Variants in CPD observed in about 807,000 individuals in gnomAD.
The protein encoded by CPD is metallocarboxypeptidase D.
CPD carries 69 observed loss-of-function variants against 138.3 expected under a neutral mutation model. The observed-to-expected ratio is 0.50, with a 90% CI of 0.41 to 0.61. The LOEUF (loss-of-function observed/expected upper bound fraction) is 0.61. Ranked by LOEUF, CPD falls within the 20% of genes least tolerant of loss-of-function variation. CPD has a pLI of 0.00. For synonymous variants in CPD, 651 were observed against 642.1 expected, an observed-to-expected ratio of 1.01 and a Z score of -0.21; for missense variants, 1,432 against 1,733.3, an observed-to-expected ratio of 0.83 and a Z score of 3.09.
At chr17:30,400,376 T>G (rs2143347649) in intron 2 of CPD, among the ~76,000 whole-genome samples, 1 of 152,138 alleles carries the variant, frequency 6.6e-6, no homozygotes, top group South Asian at 2.1e-4. Flanking sequence ...TGTACTTAAC[T>G]TATATATATA....
At position 30,379,674 on chromosome 17, in the gene CPD, C is replaced by A; in HGVS notation, c.694C>A (p.Leu232Met). ...GTTTAGCACCGGCGAACCCCCCGCC[C>A]TGGACGAGGTGCCCGAGGTGCGCGC... is the stretch of plus-strand genomic sequence containing the variant. ...DQFSTGEPPA[L>M]DEVPEVRALI... is the part of the protein sequence containing the mutation. Residue 232 changes from leucine (L) to methionine (M), a missense_variant, in exon 1 of 21, where the codon CTG becomes ATG. This residue lies in a region of CPD where 484 missense variants were observed against 477.2 expected (regional missense o/e 1.01). Transcript: ENST00000225719. This position sits in a 1 kb window ranked among gnomAD's most constrained non-coding sequence, Gnocchi z 7.0. The A allele has an allele frequency of 6.6e-7, 1 of 1,523,984 alleles. No homozygotes were observed. The allele number at this position is 1,523,984 out of a possible 1,614,324, so 94.4% of individuals were successfully genotyped here.
At chr17:30,434,365 G>C (rs1241128893) in intron 8 of CPD, among the ~76,000 whole-genome samples, 1 of 152,106 alleles carries the variant, frequency 6.6e-6, no homozygotes, top group East Asian at 1.9e-4. Context: ...AAGGCTTTGT[G>C]GTGAGGTAAA....
At chr17:30,419,066 G>C (rs1330933816) in intron 2 of CPD, among the ~76,000 whole-genome samples, 1 of 152,202 alleles carries the variant, frequency 6.6e-6, no homozygotes, top group Admixed American at 6.5e-5. Context: ...TCAAGAACTA[G>C]ATGTGTTTCA....
At chr17:30,402,520 C>T (rs931083291) in intron 2 of CPD, among the ~76,000 whole-genome samples, 6 of 152,204 alleles carry the variant, frequency 3.9e-5, no homozygotes, top group Admixed American at 1.3e-4. Flanking sequence ...GAACTGAGAT[C>T]GTGCCACTGC....
At chr17:30,400,609 A>G (rs1056422715) in intron 2 of CPD, among the ~76,000 whole-genome samples, 13 of 134,984 alleles carry the variant, frequency 9.6e-5, no homozygotes, top group African/African-American at 3.7e-4. Context: ...ATAATGGATT[A>G]TCTTAGTTTT....
At position 30,445,762 on chromosome 17, in the gene CPD, G is replaced by A. The variant is rs766518499; in HGVS notation, c.2615G>A (p.Arg872Gln). ...ATTCAGGTCAACTTCACACTTGTTC[G>A]ATCCTCAACAGATTCAAACAATGAA... ...GAIQVNFTLV[R>Q]SSTDSNNESK... The change falls in exon 12 of 21, where the codon CGA (arginine) becomes CAA (glutamine). Residue 872 changes from arginine to glutamine, a missense_variant. Arg to Gln is a conservative substitution (Grantham distance 43). Coordinates refer to ENST00000225719, the MANE Select transcript of CPD (RefSeq NM_001304.5). 1.1e-5 allele frequency: 18 copies of A among 1,613,732 alleles called. No individual in the cohort carries two copies. The highest frequency in any genetic ancestry group is 1.6e-4 in the Middle Eastern group (1 of 6,082).
chr17:30,401,720 A>G (rs761639648), intron 2 of CPD, among the ~76,000 whole-genome samples: 6 of 152,272 alleles, frequency 3.9e-5, no homozygotes, highest in Middle Eastern at 3.4e-3. Flanking sequence ...TCCTGGGCTC[A>G]AGGGATCCGC....
At chr17:30,396,710 C>T (rs1426014477) in intron 2 of CPD, among the ~76,000 whole-genome samples, 1 of 152,216 alleles carries the variant, frequency 6.6e-6, no homozygotes. Flanking sequence ...GTATTGATCA[C>T]AATTTGCAGT....
chr17:30,429,018 A>G (rs1475164011), intron 7 of CPD, among the ~76,000 whole-genome samples: 1 of 152,200 alleles, frequency 6.6e-6, no homozygotes, highest in African/African-American at 2.4e-5. Context: ...TTAGAATGAC[A>G]GTACATACTG....
rs773700976 is a variant in CPD, at chr17:30,466,809, T to C, written c.*1995T>C. ...GTACTTCTCTCTTGGATCAAATATG[T>C]CTTTAACTGTACATCTCAGTGGCTG... On this transcript the variant is annotated 3_prime_UTR_variant, in exon 21 of 21. Coordinates refer to ENST00000225719, the MANE Select transcript of CPD (RefSeq NM_001304.5). 1 of 152,416 alleles carries C rather than the reference T, an allele frequency of 6.6e-6. No individual in the cohort carries two copies. Among genetic ancestry groups the C allele is most frequent in the Non-Finnish European group, 1.5e-5 (1 of 68,020 alleles). 9.4% of individuals were successfully genotyped at this position (152,416 alleles called of 1,614,324 possible).
At chr17:30,425,671 AAC>A (rs1912387066) in intron 6 of CPD, among the ~76,000 whole-genome samples, 2 of 151,792 alleles carry the variant, frequency 1.3e-5, no homozygotes, top group Admixed American at 6.6e-5. Context: ...AAAAAAAAAA[AAC>A]AAATAGAGTT....
At chr17:30,451,648 TGA>T (rs1913169523) in intron 13 of CPD, 61 bp from the exon 14 acceptor site, 1 of 1,492,970 alleles carries the variant, frequency 6.7e-7, no homozygotes, top group Admixed American at 1.9e-5. Flanking sequence ...GTTTGAGGCA[TGA>T]GAGGGTACCC....
chr17:30,432,983 TTTC>T (rs1912602078), intron 8 of CPD, among the ~76,000 whole-genome samples: 1 of 152,128 alleles, frequency 6.6e-6, no homozygotes, highest in South Asian at 2.1e-4. Flanking sequence ...AGCTTGTTAG[TTTC>T]AATGTTTGGT....
chr17:30,410,893 T>C (rs559188948), intron 2 of CPD, among the ~76,000 whole-genome samples: 2 of 152,338 alleles, frequency 1.3e-5, no homozygotes, highest in Admixed American at 6.5e-5. Context: ...AATTTGATCC[T>C]GTCATTATGA....
At chr17:30,451,919 AT>A in intron 14 of CPD, 73 bp downstream of exon 14, 2 of 1,421,918 alleles carry the variant, frequency 1.4e-6, no homozygotes, top group African/African-American at 2.8e-5. Flanking sequence ...GATTGATCCT[AT>A]TTTGTCAGTG....
At chr17:30,387,919 A>G (rs1911237400) in intron 2 of CPD, among the ~76,000 whole-genome samples, 1 of 152,164 alleles carries the variant, frequency 6.6e-6, no homozygotes, top group Non-Finnish European at 1.5e-5. Flanking sequence ...GGTGAGCAAG[A>G]CAAAGAGGAG....
At chr17:30,423,806 T>G (rs937854983) in intron 6 of CPD, 109 bp downstream of exon 6, 6 of 858,334 alleles carry the variant, frequency 7.0e-6, no homozygotes, top group Admixed American at 7.0e-5. Flanking sequence ...CAATTTTTTT[T>G]CCTTTTAATT....
At chr17:30,393,094 C>G (rs759867206) in intron 2 of CPD, among the ~76,000 whole-genome samples, 1 of 152,202 alleles carries the variant, frequency 6.6e-6, no homozygotes, top group Non-Finnish European at 1.5e-5. Flanking sequence ...TTTCTTCCCT[C>G]TCCTTTTATA....
At chr17:30,399,818 C>T (rs1051980571) in intron 2 of CPD, among the ~76,000 whole-genome samples, 4 of 151,938 alleles carry the variant, frequency 2.6e-5, no homozygotes, top group Non-Finnish European at 4.4e-5. Context: ...GGTGAAACCC[C>T]ATCTCTAATA....
Sources: gnomAD v4.1 joint callset for allele counts (sites outside exome capture counted in the v4.1 genomes callset) on GRCh38, gnomAD v4.1.1 for gene constraint, gnomAD v4.1.1 regional missense constraint, Gnocchi (gnomAD v3.1) non-coding constraint, MANE v1.5 for transcripts, NCBI Gene and HGNC (gene_info 2026-07-23, HGNC 2026-07-21) for gene names.